The following ABL1 variants were observed in gnomAD, a reference collection of about 807,000 sequenced individuals.
ABL1 encodes ABL proto-oncogene 1, non-receptor tyrosine kinase.
A neutral mutation model predicts 94.7 loss-of-function variants in ABL1; 11 were observed. That is an observed-to-expected ratio of 0.12 (90% CI 0.07 to 0.19). ABL1 has a LOEUF of 0.19. Among genes scored for constraint, ABL1 ranks in the 10% least tolerant of loss-of-function variants. The probability of loss-of-function intolerance (pLI) is 1.00; values close to 1 mark genes in which losing one functional copy is unlikely to be tolerated. For synonymous variants in ABL1, 656 were observed against 622.4 expected, an observed-to-expected ratio of 1.05 and a Z score of -0.80; for missense variants, 1,082 against 1,489.4, an observed-to-expected ratio of 0.73 and a Z score of 4.50.
chr9:130,838,524 C>A (rs76753997), intron 1 of ABL1, among the ~76,000 whole-genome samples: 2 of 152,138 alleles, frequency 1.3e-5, no homozygotes, highest in Non-Finnish European at 2.9e-5. Context: ...GAGGCAATCA[C>A]CCTGGAGTTT....
intron 4 of ABL1, among the ~76,000 whole-genome samples, chr9:130,869,174 AAAAG>A (rs1277804988): frequency 6.6e-6 from 1 of 152,204 alleles, no homozygotes; most frequent in East Asian, 1.9e-4. Context: ...CTCAAAAAAA[AAAAG>A]AAAATACCTG....
intron 1 of ABL1, among the ~76,000 whole-genome samples, chr9:130,729,464 G>T (rs577840943): frequency 2.2e-4 from 33 of 152,244 alleles, no homozygotes; most frequent in African/African-American, 7.9e-4. Flanking sequence ...TGCTTCCTCA[G>T]TTCACAGAGA....
chr9:130,766,698 A>G (rs1832188003), intron 1 of ABL1, among the ~76,000 whole-genome samples: 1 of 151,974 alleles, frequency 6.6e-6, no homozygotes, highest in East Asian at 1.9e-4. Context: ...CTTGTCCGAT[A>G]CAGTCACAAG....
intron 1 of ABL1, among the ~76,000 whole-genome samples, chr9:130,749,298 A>G (rs1171168202): frequency 6.6e-6 from 1 of 152,226 alleles, no homozygotes; most frequent in African/African-American, 2.4e-5. Flanking sequence ...AGAGTAGAAT[A>G]ATGAACGGAT....
chr9:130,819,325 G>C (rs1830328070), intron 1 of ABL1, among the ~76,000 whole-genome samples: 1 of 151,798 alleles, frequency 6.6e-6, no homozygotes, highest in South Asian at 2.1e-4. Flanking sequence ...CTGCACTCCA[G>C]CCTGGGCAAC....
chr9:130,820,546 G>GA (rs143732967), intron 1 of ABL1, among the ~76,000 whole-genome samples: 5,388 of 152,250 alleles, frequency 0.035, 302 homozygotes, highest in African/African-American at 0.12. Context: ...CCTCTTTGCA[G>GA]AGTTTCGTTG....
rs779306739 is a variant in ABL1, at chr9:130,885,174, G to A, written c.2884G>A (p.Ala962Thr). Residue 962 changes from alanine to threonine, a missense_variant, in exon 11 of 11, where the codon GCC becomes ACC. Transcript: ENST00000318560. ...GGGCCTCAAAAAGCCCGTGCTCCCG[G>A]CCACTCCAAAGCCACAGTCCGCCAA... ...GEGLKKPVLP[A>T]TPKPQSAKPS... is the part of the protein sequence containing the mutation. 6.2e-7 allele frequency: 1 copy of A among 1,613,366 alleles called. No homozygotes were observed. Among genetic ancestry groups the A allele is most frequent in the South Asian group, 1.1e-5 (1 of 91,074 alleles).
rs1831437452 is a variant in ABL1, at chr9:130,880,720, C to T, written c.1678+56C>T. On this transcript the variant is annotated intron_variant, in intron 10 of 10. Transcript: ENST00000318560. This position sits in a 1 kb window ranked among gnomAD's most constrained non-coding sequence, Gnocchi z 4.4. ...CTCTTCCCTTCCCTGCCAGAGGCTA[C>T]ATTCAGGCCATCATAGGCCAACGGG... 1 of 1,587,310 alleles carries T rather than the reference C, an allele frequency of 6.3e-7. No individual in the cohort carries two copies.
chr9:130,740,819 A>ATTTTTTTTTTTT (rs34323373), intron 1 of ABL1, among the ~76,000 whole-genome samples: 1 of 97,812 alleles, frequency 1.0e-5, no homozygotes, highest in Non-Finnish European at 1.9e-5. Context: ...CCACACCCAG[A>ATTTTTTTTTTTT]TTTTTTTTTT....
chr9:130,780,014 G>A (rs982147839), intron 1 of ABL1, among the ~76,000 whole-genome samples: 1 of 152,032 alleles, frequency 6.6e-6, no homozygotes, highest in East Asian at 1.9e-4. Context: ...GGCCGGGCGC[G>A]GTGGCTCACG....
chr9:130,885,607 G>A lies in ABL1; in HGVS notation c.3317G>A (p.Ser1106Asn), dbSNP rs1332198888. Residue 1106 changes from serine to asparagine, a missense_variant, in exon 11 of 11, where the codon AGT becomes AAT. Ser to Asn is a conservative substitution (Grantham distance 46, BLOSUM62 1). Around this residue, in one of 7 missense-constraint regions of ABL1, gnomAD observed 780 missense variants for 835.8 expected, o/e 0.93. Transcript: ENST00000318560. ...CAGATCTGCCCGGCGACAGCAGGCA[G>A]TGGTCCAGCGGCCACTCAGGACTTC... Reference protein sequence around the residue: ...ELQICPATAGSGPAATQDFSK... With the variant: ...ELQICPATAGNGPAATQDFSK... The A allele has an allele frequency of 6.2e-7, 1 of 1,613,462 alleles. No individual in the cohort carries two copies. The highest frequency in any genetic ancestry group is 1.3e-5 in the African/African-American group (1 of 74,958).
intron 1 of ABL1, among the ~76,000 whole-genome samples, chr9:130,766,303 C>A (rs1465921314): frequency 1.3e-5 from 2 of 152,174 alleles, no homozygotes; most frequent in African/African-American, 4.8e-5. Flanking sequence ...ACTGTCAGGA[C>A]AGATGCCTTA....
chr9:130,735,592 C>G (rs1436015346), intron 1 of ABL1, among the ~76,000 whole-genome samples: 7 of 151,118 alleles, frequency 4.6e-5, no homozygotes, highest in Non-Finnish European at 3.0e-5. Context: ...TTTGTTTTTC[C>G]CTTAATAGAT....
chr9:130,872,376 G>GGTGTGTGC lies in ABL1; in HGVS notation c.907+172_907+179dup, dbSNP rs1219407626. Among the ~76,000 whole-genome samples, 1 of 152,218 alleles carries GGTGTGTGC rather than the reference G, an allele frequency of 6.6e-6. No homozygotes were observed. Among genetic ancestry groups the GGTGTGTGC allele is most frequent in the Admixed American group, 6.5e-5 (1 of 15,284 alleles). ...GGTAAAATGAGGCCTGTATGGGATG[G>GGTGTGTGC]GTGTGTGCGTGTGTGCACATATGCA... On this transcript the variant is annotated intron_variant, in intron 5 of 10. Coordinates refer to ENST00000318560, the MANE Select transcript of ABL1 (RefSeq NM_005157.6). The surrounding 1 kb of genome is among the most constrained non-coding windows in gnomAD (Gnocchi z 5.0).
chr9:130,715,512 A>G (rs1449603280), intron 1 of ABL1, among the ~76,000 whole-genome samples: 1 of 152,236 alleles, frequency 6.6e-6, no homozygotes, highest in Non-Finnish European at 1.5e-5. Flanking sequence ...CACTTCATCT[A>G]AATAAATCCG....
Position 130,862,704 on chromosome 9 carries a change from G to C in ABL1, c.550-59G>C. The stretch of plus-strand genomic sequence containing the variant: ...TTAAGGCTCAGCCAAACTGGCTCAC[G>C]TGAGCTCTTTGAGCTTGCCTGTCTC... On this transcript the variant is annotated intron_variant, in intron 3 of 10. Coordinates refer to ENST00000318560, the MANE Select transcript of ABL1 (RefSeq NM_005157.6). This position sits in a 1 kb window ranked among gnomAD's most constrained non-coding sequence, Gnocchi z 5.5. 1 of 1,575,508 alleles carries C rather than the reference G, an allele frequency of 6.3e-7. No individual in the cohort carries two copies. The highest frequency in any genetic ancestry group is 8.6e-7 in the Non-Finnish European group (1 of 1,161,978).
At chr9:130,779,533 G>A (rs941900723) in intron 1 of ABL1, among the ~76,000 whole-genome samples, 1 of 152,042 alleles carries the variant, frequency 6.6e-6, no homozygotes, top group Admixed American at 6.6e-5. Context: ...ATTCCCCAAC[G>A]CTAAAGACCT....
chr9:130,808,075 T>A (rs78748710), intron 1 of ABL1, among the ~76,000 whole-genome samples: 3,176 of 146,306 alleles, frequency 0.022, 29 homozygotes, highest in African/African-American at 0.025. Context: ...TTTATCAAAT[T>A]AACTGATCAA....
At chr9:130,831,366 A>G (rs561711044), upstream of ABL1, among the ~76,000 whole-genome samples, 105 of 152,176 alleles carry the variant, frequency 6.9e-4, no homozygotes, top group African/African-American at 2.1e-3. Flanking sequence ...ACACACTTCT[A>G]TGGTGGGTGC....
Sources: allele counts gnomAD v4.1 joint callset (sites outside exome capture counted in the v4.1 genomes callset), GRCh38; gene constraint gnomAD v4.1.1; regional missense constraint gnomAD v4.1.1; non-coding constraint Gnocchi (gnomAD v3.1); transcripts MANE v1.5; gene names NCBI Gene and HGNC (gene_info 2026-07-23, HGNC 2026-07-21).